The following STARD9 variants were observed in gnomAD, a reference collection of about 807,000 sequenced individuals.
STARD9 encodes the protein stAR-related lipid transfer protein 9.
STARD9 carries 346 observed loss-of-function variants against 399.8 expected under a neutral mutation model. The observed-to-expected ratio is 0.87, with a 90% CI of 0.79 to 0.95. The LOEUF is 0.95. Among genes scored for constraint, STARD9 ranks in the 40% least tolerant of loss-of-function variants. STARD9 has a pLI of 0.00. For synonymous variants in STARD9, 2,203 were observed against 2,143.5 expected (o/e 1.03, Z -0.77); for missense variants, 5,832 against 5,667.5 (o/e 1.03, Z -0.93).
At chr15:42,660,597 A>AG (rs112868479) in intron 9 of STARD9, among the ~76,000 whole-genome samples, 5 of 151,828 alleles carry the variant, frequency 3.3e-5, no homozygotes, top group East Asian at 1.9e-4. Flanking sequence ...AAAAAAAAAA[A>AG]CAAGAAACAA....
intron 28 of STARD9, 145 bp downstream of exon 28, chr15:42,717,193 G>A: frequency 1.1e-6 from 1 of 915,622 alleles, no homozygotes; most frequent in South Asian, 1.7e-5. Flanking sequence ...CTTGAGAAAA[G>A]GGGAATTCGG....
rs116507617 is a variant in STARD9 at position 42,623,455 on chromosome 15, A to G, written c.235-11401A>G. 7.4e-3 allele frequency among the ~76,000 whole-genome samples: 1,120 copies of G among 152,288 alleles called. 13 individuals carry two copies. The highest frequency in any genetic ancestry group is 0.026 in the African/African-American group (1,062 of 41,558). Reference sequence around the variant, plus strand: ...ATGATAAGTTTGTTGTGGACTGAAGACAGTGTTTGAAAGGTTTTTCAAACC... The same window carrying G: ...ATGATAAGTTTGTTGTGGACTGAAGGCAGTGTTTGAAAGGTTTTTCAAACC... On this transcript the variant is annotated intron_variant, in intron 3 of 32. Transcript: ENST00000290607.
intron 1 of STARD9, chr15:42,581,257 A>C: frequency 1.2e-6 from 1 of 861,406 alleles, no homozygotes; most frequent in Admixed American, 1.7e-5. Flanking sequence ...GACTCCCGGG[A>C]TATTGGGCAG....
chr15:42,610,434 C>T (rs1334270452), intron 3 of STARD9, among the ~76,000 whole-genome samples: 1 of 152,230 alleles, frequency 6.6e-6, no homozygotes, highest in Non-Finnish European at 1.5e-5. Context: ...GAAGCTGTAA[C>T]AATCAGTGTC....
At chr15:42,632,023 ATGCTGAAAGTGGGG>A (rs1335925220) in intron 3 of STARD9, among the ~76,000 whole-genome samples, 16 of 152,286 alleles carry the variant, frequency 1.1e-4, no homozygotes, top group South Asian at 6.2e-4. Context: ...GATCTTTCCA[ATGCTGAAAGTGGGG>A]TGTTGAAGTC....
chr15:42,673,469 C>G (rs957473257), intron 16 of STARD9, among the ~76,000 whole-genome samples: 1 of 152,064 alleles, frequency 6.6e-6, no homozygotes, highest in Non-Finnish European at 1.5e-5. Context: ...GTCGAAAAAG[C>G]TGCAGGGGCT....
rs972675593 is a variant in STARD9 at position 42,674,423 on chromosome 15, C to CT, written c.1498-11dup. 14 of 1,520,476 alleles carry CT rather than the reference C, an allele frequency of 9.2e-6. No homozygotes were observed. In the African/African-American group the frequency reaches 1.6e-4, roughly 18 times the overall value. 94.2% of individuals were successfully genotyped at this position (1,520,476 alleles called of 1,614,324 possible). A position where few individuals can be genotyped will look rare whatever the true frequency, so the allele number is the denominator to read the frequency against. On this transcript the variant is annotated splice_polypyrimidine_tract_variant and intron_variant, in intron 16 of 32. Transcript: ENST00000290607. ...TCCCTTTTAATTCTCATTAAAATGG[C>CT]TTTTTTCCCCCTTTAGGAAGGGACA...
intron 7 of STARD9, among the ~76,000 whole-genome samples, chr15:42,641,790 G>T (rs370746217): frequency 5.3e-5 from 8 of 152,020 alleles, no homozygotes; most frequent in African/African-American, 1.9e-4. Flanking sequence ...TTTTAGTAGA[G>T]ATGGGGTTTC....
At position 42,681,307 on chromosome 15, in the gene STARD9, C is replaced by T. The variant is rs113103947; in HGVS notation, c.1875-115C>T. On this transcript the variant is annotated intron_variant, in intron 20 of 32. Coordinates refer to ENST00000290607, the MANE Select transcript of STARD9 (RefSeq NM_020759.3). The stretch of plus-strand genomic sequence containing the variant: ...GTCCAAGGTTGCCAGAAGTCCAAAG[C>T]ACTCTCTACCCTGTTGATTGCAGGG... The T allele has an allele frequency of 1.7e-4, 191 of 1,092,488 alleles. 1 individual carries two copies. The African/African-American group carries it at 2.6e-3, about 15-fold the overall frequency. 67.7% of individuals were successfully genotyped at this position (1,092,488 alleles called of 1,614,324 possible).
intron 3 of STARD9, among the ~76,000 whole-genome samples, chr15:42,593,599 A>G (rs1212651833): frequency 1.3e-5 from 2 of 151,740 alleles, no homozygotes; most frequent in Non-Finnish European, 2.9e-5. Flanking sequence ...TCTGAATTCA[A>G]AACAACCACT....
At chr15:42,581,003 G>A (rs531866182) in intron 1 of STARD9, among the ~76,000 whole-genome samples, 1 of 152,130 alleles carries the variant, frequency 6.6e-6, no homozygotes, top group Non-Finnish European at 1.5e-5. Flanking sequence ...AGTGGGAGAC[G>A]GAGACTGTAA....
chr15:42,645,329 G>A (rs551035769), intron 7 of STARD9, among the ~76,000 whole-genome samples: 21 of 152,200 alleles, frequency 1.4e-4, no homozygotes, highest in Non-Finnish European at 2.8e-4. Context: ...TAGAACAGAT[G>A]TTATGTTAGC....
At chr15:42,717,624 CAA>C in intron 28 of STARD9, 105 bp from the exon 29 acceptor site, 1 of 992,346 alleles carries the variant, frequency 1.0e-6, no homozygotes, top group Non-Finnish European at 1.5e-6. Flanking sequence ...GACCCTGTCT[CAA>C]AAAAAAAGAA....
Position 42,686,069 on chromosome 15 carries a change from T to A in STARD9, c.4491T>A (p.Cys1497Ter), listed in dbSNP as rs1245988984. 6.5e-7 allele frequency: 1 copy of A among 1,537,258 alleles called. No individual in the cohort carries two copies. Among genetic ancestry groups the A allele is most frequent in the South Asian group, 1.2e-5 (1 of 84,054 alleles). Residue 1497 changes from cysteine to a stop codon, truncating the protein, a stop_gained, in exon 23 of 33, where the codon TGT becomes TGA. Transcript: ENST00000290607. LOFTEE classifies it high-confidence loss of function. ...AGAAGTACCTCCTTGAACTCTCTTG[T>A]CCTGTTTTGGAGGCCATAGGAGCAC... ...LQQKYLLELS[C>*]PVLEAIGAPK...
chr15:42,669,511 G>GC, intron 16 of STARD9, 174 bp downstream of exon 16: 1 of 533,320 alleles, frequency 1.9e-6, no homozygotes, highest in Admixed American at 3.0e-5. Context: ...GATCTGTTTT[G>GC]CCTTCGTATG....
intron 3 of STARD9, among the ~76,000 whole-genome samples, chr15:42,622,338 G>T (rs1029266915): frequency 3.3e-5 from 5 of 151,550 alleles, no homozygotes; most frequent in Non-Finnish European, 5.9e-5. Context: ...CCTGTAGCTC[G>T]CTCTCTCTCT....
intron 3 of STARD9, among the ~76,000 whole-genome samples, chr15:42,633,784 A>T (rs1205266943): frequency 6.6e-6 from 1 of 151,668 alleles, no homozygotes; most frequent in Non-Finnish European, 1.5e-5. Flanking sequence ...CTGGGATTAT[A>T]GGTGCCCGCC....
Position 42,693,947 on chromosome 15 carries a change from C to T in STARD9, c.12369C>T (p.Cys4123=). Residue 4123 remains cysteine, a synonymous_variant, in exon 23 of 33, where the codon TGC becomes TGT. Coordinates refer to ENST00000290607, the MANE Select transcript of STARD9 (RefSeq NM_020759.3). ...EELLCFSCQM[C]MAPEHQHHSL... Reference sequence around the variant, plus strand: ...TACTGTGCTTCAGTTGCCAGATGTGCATGGCCCCTGAGCACCAGCACCACA... The same window carrying T: ...TACTGTGCTTCAGTTGCCAGATGTGTATGGCCCCTGAGCACCAGCACCACA... 6.6e-7 allele frequency: 1 copy of T among 1,504,616 alleles called. No individual in the cohort carries two copies. The highest frequency in any genetic ancestry group is 8.9e-7 in the Non-Finnish European group (1 of 1,129,086). The allele number at this position is 1,504,616 out of a possible 1,614,324, so 93.2% of individuals were successfully genotyped here. A position where few individuals can be genotyped will look rare whatever the true frequency, so the allele number is the denominator to read the frequency against.
At chr15:42,678,691 C>T (rs1036167615) in intron 20 of STARD9, among the ~76,000 whole-genome samples, 1 of 152,054 alleles carries the variant, frequency 6.6e-6, no homozygotes, top group Non-Finnish European at 1.5e-5. Flanking sequence ...GCAGTGGAGT[C>T]CTCACAAGCA....
Sources: gnomAD v4.1 joint callset for allele counts (sites outside exome capture counted in the v4.1 genomes callset) on GRCh38, gnomAD v4.1.1 for gene constraint, MANE v1.5 for transcripts, NCBI Gene and HGNC (gene_info 2026-07-23, HGNC 2026-07-21) for gene names.